The following SOS2 variants were observed in gnomAD, a reference collection of about 807,000 sequenced individuals.
SOS2 encodes SOS Ras/Rho guanine nucleotide exchange factor 2, also known as son of sevenless homolog 2.
Under a neutral mutation model 148.2 loss-of-function variants are expected in SOS2, and 65 were observed. That is an observed-to-expected ratio of 0.44 (90% CI 0.36 to 0.54). The LOEUF (loss-of-function observed/expected upper bound fraction) is 0.54, where lower values mean the gene tolerates loss of function less well. Among genes scored for constraint, SOS2 ranks in the 20% least tolerant of loss-of-function variants. The pLI, the probability that SOS2 is intolerant of heterozygous loss-of-function variation, is 0.00. For missense variants in SOS2, 1,341 were observed against 1,590.2 expected (o/e 0.84, Z 2.67); for synonymous variants, 539 against 537.1 (o/e 1.00, Z -0.05).
At chr14:50,139,870 T>C in intron 17 of SOS2, 72 bp downstream of exon 17, 2 of 659,882 alleles carry the variant, frequency 3.0e-6, no homozygotes, top group South Asian at 2.1e-5. Context: ...AAAGATAACA[T>C]GCCTCTGAAG....
Position 50,157,077 on chromosome 14 carries a change from G to A in SOS2, c.1979C>T (p.Ala660Val), listed in dbSNP as rs1160004493. ...GATTGGCTGCTCGCCTTTCTCTATT[G>A]CCAATTTGTCTGCGTCAGTAGGTTC... ...EPEPTDADKL[A>V]IEKGEQPISA... The change falls in exon 12 of 23, where the codon GCA (alanine) becomes GTA (valine). Residue 660 changes from alanine to valine, a missense_variant. This residue lies in a region of SOS2 where 408 missense variants were observed against 506.6 expected (regional missense o/e 0.81). Coordinates refer to ENST00000216373, the MANE Select transcript of SOS2 (RefSeq NM_006939.4). The A allele has an allele frequency of 6.2e-7, 1 of 1,612,334 alleles. No homozygotes were observed. Among genetic ancestry groups the A allele is most frequent in the African/African-American group, 1.3e-5 (1 of 74,956 alleles).
In SOS2 at chr14:50,138,802, A is replaced by G. The variant is rs1462645731; in HGVS notation, c.2786-18T>C. On this transcript the variant is annotated intron_variant, in intron 17 of 22. Transcript: ENST00000216373. ...ATATATTCCTAGTAAAAAAAAAAAA[A>G]GAATTTAAAGAAAAGTTATTTTAAA... is the stretch of plus-strand genomic sequence containing the variant. 1 of 763,354 alleles carries G rather than the reference A, an allele frequency of 1.3e-6. No individual in the cohort carries two copies. Among genetic ancestry groups the G allele is most frequent in the East Asian group, 3.0e-5 (1 of 33,452 alleles). The allele number at this position is 763,354 out of a possible 1,614,324, so 47.3% of individuals were successfully genotyped here.
intron 1 of SOS2, among the ~76,000 whole-genome samples, chr14:50,230,029 C>A (rs1887492657): frequency 6.6e-6 from 1 of 152,218 alleles, no homozygotes; most frequent in Non-Finnish European, 1.5e-5. Context: ...TGCCACTAGT[C>A]ATTTCTGCCA....
chr14:50,180,709 T>A, intron 6 of SOS2, 27 bp from the exon 7 acceptor site: 1 of 1,274,120 alleles, frequency 7.8e-7, no homozygotes, highest in Non-Finnish European at 1.1e-6. Context: ...AGAAAAAGCA[T>A]TAGGTTTAAA....
intron 4 of SOS2, among the ~76,000 whole-genome samples, chr14:50,199,455 C>T (rs1886413590): frequency 6.6e-6 from 1 of 151,966 alleles, no homozygotes; most frequent in Non-Finnish European, 1.5e-5. Flanking sequence ...GTTTTGAGGC[C>T]TTGGATGTTT....
At chr14:50,133,340 G>A (rs531824768) in intron 19 of SOS2, among the ~76,000 whole-genome samples, 221 of 129,154 alleles carry the variant, frequency 1.7e-3, no homozygotes, top group African/African-American at 5.9e-3. Context: ...TCCGCCCCCA[G>A]GCGTGCACCA....
At chr14:50,226,891 G>A (rs1158472903) in intron 1 of SOS2, among the ~76,000 whole-genome samples, 1 of 152,130 alleles carries the variant, frequency 6.6e-6, no homozygotes, top group Non-Finnish European at 1.5e-5. Context: ...AGTACCAAGG[G>A]ATTTCAACGA....
chr14:50,170,624 G>GA (rs1885330130), intron 8 of SOS2, among the ~76,000 whole-genome samples: 1 of 152,098 alleles, frequency 6.6e-6, no homozygotes, highest in Non-Finnish European at 1.5e-5. Flanking sequence ...AGTAAGCCAT[G>GA]ATTGTATCAC....
intron 18 of SOS2, among the ~76,000 whole-genome samples, chr14:50,134,934 G>A (rs754497393): frequency 4.6e-5 from 7 of 151,598 alleles, no homozygotes; most frequent in East Asian, 1.9e-4. Context: ...TTAGCTGGGC[G>A]TGGTGGCGCA....
chr14:50,185,204 C>T (rs181628469), intron 5 of SOS2, among the ~76,000 whole-genome samples: 45 of 152,164 alleles, frequency 3.0e-4, no homozygotes, highest in African/African-American at 9.4e-4. Flanking sequence ...TTTCAATTGG[C>T]GCCTGAAGTG....
At chr14:50,170,585 G>A (rs776881706) in intron 8 of SOS2, among the ~76,000 whole-genome samples, 3 of 151,772 alleles carry the variant, frequency 2.0e-5, no homozygotes, top group Non-Finnish European at 2.9e-5. Context: ...ACGTGGGAGG[G>A]TCGCCTGAGC....
At chr14:50,222,167 T>A (rs775076721) in intron 1 of SOS2, among the ~76,000 whole-genome samples, 1 of 152,158 alleles carries the variant, frequency 6.6e-6, no homozygotes, top group Non-Finnish European at 1.5e-5. Context: ...GATGCAACTG[T>A]TTTACCTTAA....
chr14:50,134,480 A>C (rs1180212421), intron 18 of SOS2, among the ~76,000 whole-genome samples: 1 of 152,228 alleles, frequency 6.6e-6, no homozygotes, highest in Admixed American at 6.5e-5. Flanking sequence ...TTCTATTAAG[A>C]ATATGAGTTT....
rs759179876 is a variant in SOS2, at chr14:50,220,028, T to C, written c.87+11169A>G. 3.3e-5 allele frequency among the ~76,000 whole-genome samples: 5 copies of C among 151,546 alleles called. No individual in the cohort carries two copies. The East Asian group carries it at 9.7e-4, about 29-fold the overall frequency. On this transcript the variant is annotated intron_variant, in intron 1 of 22. Coordinates refer to ENST00000216373, the MANE Select transcript of SOS2 (RefSeq NM_006939.4). The stretch of plus-strand genomic sequence containing the variant: ...CACTACCACACCAGCTCCCATTTCT[T>C]GTTTTCGGTCTCCTCCTCCTATTTC...
rs146806259 is a variant in SOS2, at chr14:50,141,096, C to T, written c.2668-1037G>A. Among the ~76,000 whole-genome samples, 287 of 145,732 alleles carry T rather than the reference C, an allele frequency of 2.0e-3. 2 individuals carry two copies. Among genetic ancestry groups the T allele is most frequent in the African/African-American group, 6.3e-3 (249 of 39,264 alleles). ...GCGGGTGCCTGTAGTCCCAGCTACTCGGGAGGCTGAGGCAGGAGAATGCCA... is the reference window on the plus strand; with the variant it reads ...GCGGGTGCCTGTAGTCCCAGCTACTTGGGAGGCTGAGGCAGGAGAATGCCA... On this transcript the variant is annotated intron_variant, in intron 16 of 22. Coordinates refer to ENST00000216373, the MANE Select transcript of SOS2 (RefSeq NM_006939.4).
At chr14:50,161,432 A>G in intron 9 of SOS2, 50 bp downstream of exon 9, 1 of 1,507,388 alleles carries the variant, frequency 6.6e-7, no homozygotes, top group Non-Finnish European at 9.0e-7. Context: ...CAGGCATCAG[A>G]GACAGCGAAG....
rs530007285 is a variant in SOS2 at position 50,182,482 on chromosome 14, C to G, written c.839G>C (p.Cys280Ser). 14 of 1,613,822 alleles carry G rather than the reference C, an allele frequency of 8.7e-6. No homozygotes were observed. Among genetic ancestry groups the G allele is most frequent in the African/African-American group, 1.3e-5 (1 of 74,902 alleles). ...ESSPHPLAGS[C>S]FEDLAEEQAF... is the part of the protein sequence containing the mutation. ...ACTTACTTCTGCCAAATCTTCAAAA[C>G]AGCTGCCAGCTAAGGGATGAGGACT... The change falls in exon 6 of 23, where the codon TGT (cysteine) becomes TCT (serine). Residue 280 changes from cysteine to serine, a missense_variant. Physicochemically the swap from Cys to Ser is moderately radical, Grantham distance 112. Coordinates refer to ENST00000216373, the MANE Select transcript of SOS2 (RefSeq NM_006939.4).
chr14:50,216,841 C>A (rs1457734485), intron 1 of SOS2, among the ~76,000 whole-genome samples: 1 of 152,174 alleles, frequency 6.6e-6, no homozygotes, highest in Non-Finnish European at 1.5e-5. Flanking sequence ...AGAGATTAAA[C>A]TATGAGTTGG....
At chr14:50,227,364 C>A (rs552230029) in intron 1 of SOS2, among the ~76,000 whole-genome samples, 3 of 151,284 alleles carry the variant, frequency 2.0e-5, no homozygotes, top group Admixed American at 2.0e-4. Context: ...CTGCCTCAGC[C>A]TCCCGAGTAG....
Sources: allele counts gnomAD v4.1 joint callset (sites outside exome capture counted in the v4.1 genomes callset), GRCh38; gene constraint gnomAD v4.1.1; regional missense constraint gnomAD v4.1.1; transcripts MANE v1.5; gene names NCBI Gene and HGNC (gene_info 2026-07-23, HGNC 2026-07-21).